Variants in REDIC1 observed in about 807,000 individuals in gnomAD.
REDIC1 encodes the protein regulator of DNA class I crossover intermediates 1.
the REDIC1 span, among the ~76,000 whole-genome samples, chr12:39,709,905 T>G: frequency 6.6e-6 from 1 of 151,878 alleles, no homozygotes; most frequent in Non-Finnish European, 1.5e-5. Context: ...CATACCATTT[T>G]CTGTAGTTGC....
chr12:39,820,847 C>T, the REDIC1 span, among the ~76,000 whole-genome samples: 8 of 145,096 alleles, frequency 5.5e-5, no homozygotes, highest in African/African-American at 2.0e-4. Context: ...AAATGCCTTG[C>T]CCTTTGTTTG....
At chr12:39,857,142 AT>A in the REDIC1 span, among the ~76,000 whole-genome samples, 1 of 152,154 alleles carries the variant, frequency 6.6e-6, no homozygotes, top group East Asian at 1.9e-4. Context: ...TTCCCCCTTT[AT>A]CTTGTTCTGT....
the REDIC1 span, among the ~76,000 whole-genome samples, chr12:39,784,900 G>C: frequency 2.0e-5 from 3 of 152,188 alleles, no homozygotes; most frequent in African/African-American, 7.2e-5. Flanking sequence ...TGAGAGAGAT[G>C]ATTTAGGGTA....
At chr12:39,863,902 G>T in the REDIC1 span, among the ~76,000 whole-genome samples, 1 of 152,106 alleles carries the variant, frequency 6.6e-6, no homozygotes. Flanking sequence ...TTTCATATAG[G>T]GTTGTATGAG....
At chr12:39,676,152 C>G in the REDIC1 span, among the ~76,000 whole-genome samples, 1 of 150,992 alleles carries the variant, frequency 6.6e-6, no homozygotes, top group East Asian at 1.9e-4. Flanking sequence ...ATATACTACT[C>G]AAGGAGGTAC....
At chr12:39,815,771 T>C in the REDIC1 span, among the ~76,000 whole-genome samples, 1 of 152,302 alleles carries the variant, frequency 6.6e-6, no homozygotes, top group Middle Eastern at 3.4e-3. Context: ...AATTCTGACA[T>C]TCCCAGTCTG....
chr12:39,656,104 ATC>A, the REDIC1 span, among the ~76,000 whole-genome samples: 1 of 152,162 alleles, frequency 6.6e-6, no homozygotes, highest in Non-Finnish European at 1.5e-5. Flanking sequence ...TTGTTAGGAA[ATC>A]TTGTGTCAGT....
the REDIC1 span, among the ~76,000 whole-genome samples, chr12:39,847,587 T>G: frequency 1.3e-5 from 2 of 152,054 alleles, no homozygotes; most frequent in African/African-American, 4.8e-5. Flanking sequence ...TGTGGTGAAC[T>G]TATGAAAGAC....
chr12:39,680,882 T>C, the REDIC1 span, among the ~76,000 whole-genome samples: 1 of 152,182 alleles, frequency 6.6e-6, no homozygotes, highest in South Asian at 2.1e-4. Context: ...TTGGAAACTA[T>C]TATTCTAACT....
At chr12:39,713,338 G>A in the REDIC1 span, among the ~76,000 whole-genome samples, 1 of 143,076 alleles carries the variant, frequency 7.0e-6, no homozygotes, top group Non-Finnish European at 1.5e-5. Flanking sequence ...ACATATACGT[G>A]TATATATGTG....
chr12:39,642,519 T>C, the REDIC1 span, among the ~76,000 whole-genome samples: 1 of 151,692 alleles, frequency 6.6e-6, no homozygotes, highest in South Asian at 2.1e-4. Context: ...TGCATTTATT[T>C]GTGTCATCAT....
At chr12:39,698,780 C>T in the REDIC1 span, among the ~76,000 whole-genome samples, 1 of 152,078 alleles carries the variant, frequency 6.6e-6, no homozygotes, top group Admixed American at 6.6e-5. Context: ...TTGAAAAATT[C>T]CTTGAAACAA....
At chr12:39,723,964 T>A in the REDIC1 span, among the ~76,000 whole-genome samples, 1 of 152,184 alleles carries the variant, frequency 6.6e-6, no homozygotes, top group African/African-American at 2.4e-5. Context: ...GCAAATGCTA[T>A]CTGTGCCCAG....
At chr12:39,639,490 T>C in the REDIC1 span, among the ~76,000 whole-genome samples, 2 of 152,118 alleles carry the variant, frequency 1.3e-5, no homozygotes, top group African/African-American at 2.4e-5. Context: ...TGGTAAAGTT[T>C]ATGAAAATCA....
the REDIC1 span, among the ~76,000 whole-genome samples, chr12:39,657,497 A>G: frequency 6.6e-6 from 1 of 152,358 alleles, no homozygotes; most frequent in South Asian, 2.1e-4. Context: ...CAGTGAAGCC[A>G]TGTGAGTACT....
the REDIC1 span, chr12:39,684,329 T>C: frequency 1.1e-6 from 1 of 884,926 alleles, no homozygotes; most frequent in East Asian, 1.2e-4. Flanking sequence ...GTCCTAACTT[T>C]CTTGGTAATA....
chr12:39,796,422 TAAAAAA>T, the REDIC1 span, among the ~76,000 whole-genome samples: 2 of 117,624 alleles, frequency 1.7e-5, no homozygotes, highest in South Asian at 3.0e-4. Context: ...GGACCCATCT[TAAAAAA>T]AAAAAAAAAA....
At chr12:39,705,342 C>G in the REDIC1 span, among the ~76,000 whole-genome samples, 1 of 152,028 alleles carries the variant, frequency 6.6e-6, no homozygotes, top group East Asian at 1.9e-4. Context: ...GGAAATAAAG[C>G]CTGGGACTTG....
chr12:39,778,046 T>A, the REDIC1 span, among the ~76,000 whole-genome samples: 1 of 152,166 alleles, frequency 6.6e-6, no homozygotes, highest in South Asian at 2.1e-4. Flanking sequence ...CCCTAGACAC[T>A]GCCATGGGGT....
Sources: allele counts gnomAD v4.1 joint callset (sites outside exome capture counted in the v4.1 genomes callset), GRCh38; gene constraint gnomAD v4.1.1; transcripts MANE v1.5; gene names NCBI Gene and HGNC (gene_info 2026-07-23, HGNC 2026-07-21).